The following ARHGEF7 variants were observed in gnomAD, a reference collection of about 807,000 sequenced individuals.
The protein encoded by ARHGEF7 is Rho guanine nucleotide exchange factor 7.
In ARHGEF7, 33 loss-of-function variants were observed where a neutral mutation model predicts 109.8. That is an observed-to-expected ratio of 0.30 (90% CI 0.23 to 0.40). The LOEUF is 0.40. Among genes scored for constraint, ARHGEF7 ranks in the 10% least tolerant of loss-of-function variants. The probability of loss-of-function intolerance (pLI) is 1.00; values close to 1 mark genes in which losing one functional copy is unlikely to be tolerated. For synonymous variants in ARHGEF7, 458 were observed against 424.6 expected (o/e 1.08, Z -0.97); for missense variants, 938 against 1,098.5 (o/e 0.85, Z 2.07).
intron 1 of ARHGEF7, among the ~76,000 whole-genome samples, chr13:111,125,997 G>A (rs201544703): frequency 1.3e-5 from 2 of 152,210 alleles, no homozygotes; most frequent in South Asian, 2.1e-4. Flanking sequence ...ACCTGCCCAT[G>A]TGGAATCAGT....
At position 111,127,263 on chromosome 13, in the gene ARHGEF7, A is replaced by G. The variant is rs554661792; in HGVS notation, c.165+11572A>G. Among the ~76,000 whole-genome samples, 21 of 152,332 alleles carry G rather than the reference A, an allele frequency of 1.4e-4. No individual in the cohort carries two copies. In the East Asian group the frequency reaches 3.9e-3, roughly 28 times the overall value. On this transcript the variant is annotated intron_variant, in intron 1 of 21. Coordinates refer to ENST00000646102, the MANE Select transcript of ARHGEF7 (RefSeq NM_001354046.2). ...TTACAGAAATAAATTTGTAGATAAA[A>G]TTCTTCTCATAAAGAAAATTCCAGG... is the stretch of plus-strand genomic sequence containing the variant.
intron 4 of ARHGEF7, among the ~76,000 whole-genome samples, chr13:111,214,686 C>T (rs899731684): frequency 2.0e-5 from 3 of 152,252 alleles, no homozygotes; most frequent in African/African-American, 7.2e-5. Flanking sequence ...TTGTTGGTCA[C>T]AGGGCCCAGA....
chr13:111,147,820 C>T (rs1364467928), intron 1 of ARHGEF7, among the ~76,000 whole-genome samples: 1 of 150,632 alleles, frequency 6.6e-6, no homozygotes, highest in African/African-American at 2.4e-5. Flanking sequence ...GCCTCAGCCT[C>T]CCAAGTAGCT....
intron 5 of ARHGEF7, among the ~76,000 whole-genome samples, chr13:111,226,237 G>A (rs937205942): frequency 6.6e-6 from 1 of 152,220 alleles, no homozygotes; most frequent in Non-Finnish European, 1.5e-5. Flanking sequence ...GCTAATGGAG[G>A]TTAGTGCATG....
chr13:111,280,835 C>T (rs931703057), intron 15 of ARHGEF7, 158 bp downstream of exon 15: 116 of 808,358 alleles, frequency 1.4e-4, no homozygotes, highest in Non-Finnish European at 3.3e-5. Context: ...TGGCCCTCTT[C>T]GTGCAGTAGT....
At position 111,206,562 on chromosome 13, in the gene ARHGEF7, A is replaced by G. The variant is rs192193753; in HGVS notation, c.337+1189A>G. 1.3e-3 allele frequency among the ~76,000 whole-genome samples: 201 copies of G among 152,338 alleles called. 1 individual carries two copies. Among genetic ancestry groups the G allele is most frequent in the Admixed American group, 3.9e-3 (60 of 15,298 alleles). ...AAGCATCGAGGAAACAAAAATTTAA[A>G]TGGCAGGATTATGAAGATGGATGTA... On this transcript the variant is annotated intron_variant, in intron 3 of 21. Coordinates refer to ENST00000646102, the MANE Select transcript of ARHGEF7 (RefSeq NM_001354046.2).
intron 1 of ARHGEF7, among the ~76,000 whole-genome samples, chr13:111,139,473 T>C (rs1170810968): frequency 6.6e-6 from 1 of 152,248 alleles, no homozygotes; most frequent in Non-Finnish European, 1.5e-5. Context: ...ACAGGAGGCC[T>C]CCAGAGCGTG....
At chr13:111,256,325 C>T (rs1358248803) in intron 8 of ARHGEF7, among the ~76,000 whole-genome samples, 8 of 152,140 alleles carry the variant, frequency 5.3e-5, no homozygotes, top group African/African-American at 1.7e-4. Context: ...ATTGGAACTG[C>T]GGGCGCTTTG....
chr13:111,301,303 G>A (rs1250637261), intron 20 of ARHGEF7, among the ~76,000 whole-genome samples, 175 bp from the exon 21 acceptor site: 1 of 152,174 alleles, frequency 6.6e-6, no homozygotes, highest in Non-Finnish European at 1.5e-5. Flanking sequence ...GACTAGGCTT[G>A]AACCTGCCAT....
intron 18 of ARHGEF7, among the ~76,000 whole-genome samples, chr13:111,291,114 A>C (rs959138089): frequency 3.9e-5 from 6 of 152,220 alleles, no homozygotes; most frequent in Admixed American, 1.3e-4. Context: ...CTGAGAACAG[A>C]GGTCAATTTG....
chr13:111,227,510 T>A (rs532394832), intron 5 of ARHGEF7, among the ~76,000 whole-genome samples: 30 of 152,352 alleles, frequency 2.0e-4, no homozygotes, highest in Admixed American at 1.6e-3. Flanking sequence ...ACTTTTTTTT[T>A]AACTAAGGAA....
chr13:111,241,535 T>G (rs1465284458), intron 6 of ARHGEF7, among the ~76,000 whole-genome samples: 1 of 152,246 alleles, frequency 6.6e-6, no homozygotes, highest in African/African-American at 2.4e-5. Flanking sequence ...TGTTTAAGAC[T>G]ATTTGTTGAA....
Position 111,280,735 on chromosome 13 carries a change from G to A in ARHGEF7, c.1725+58G>A. On this transcript the variant is annotated intron_variant, in intron 15 of 21. Coordinates refer to ENST00000646102, the MANE Select transcript of ARHGEF7 (RefSeq NM_001354046.2). ...TCCAGGCGTGGCATCCCGTGGCTGAGCTGTCAGCAAGTGATCAGTTGCTTT... is the reference window on the plus strand; with the variant it reads ...TCCAGGCGTGGCATCCCGTGGCTGAACTGTCAGCAAGTGATCAGTTGCTTT... The A allele has an allele frequency of 3.5e-6, 5 of 1,426,666 alleles. No homozygotes were observed. In the South Asian group the frequency reaches 8.1e-5, roughly 23 times the overall value. The allele number at this position is 1,426,666 out of a possible 1,614,324, so 88.4% of individuals were successfully genotyped here. A position where few individuals can be genotyped will look rare whatever the true frequency, so the allele number is the denominator to read the frequency against.
At chr13:111,206,982 GA>G (rs1229986042) in intron 3 of ARHGEF7, among the ~76,000 whole-genome samples, 3 of 128,734 alleles carry the variant, frequency 2.3e-5, no homozygotes, top group East Asian at 2.2e-4. Context: ...AAAAGAAAAA[GA>G]AAAAAAAAGA....
intron 17 of ARHGEF7, among the ~76,000 whole-genome samples, chr13:111,287,637 T>C (rs762045935): frequency 1.2e-4 from 19 of 152,208 alleles, no homozygotes; most frequent in Non-Finnish European, 2.5e-4. Flanking sequence ...TTGAGCAGCC[T>C]CCTGGGGCTG....
intron 2 of ARHGEF7, among the ~76,000 whole-genome samples, chr13:111,190,121 G>A (rs2079702713): frequency 1.3e-5 from 2 of 152,192 alleles, no homozygotes; most frequent in Non-Finnish European, 1.5e-5. Flanking sequence ...GGTAGAAGTT[G>A]TTAGTTGAGC....
intron 2 of ARHGEF7, among the ~76,000 whole-genome samples, chr13:111,180,789 C>T (rs555655532): frequency 3.2e-4 from 48 of 152,322 alleles, no homozygotes; most frequent in Non-Finnish European, 5.1e-4. Flanking sequence ...GAAATTTAAT[C>T]TTTATGGGGA....
Position 111,286,332 on chromosome 13 carries a change from C to G in ARHGEF7, c.2044+92C>G, listed in dbSNP as rs2093016626. 1.3e-5 allele frequency: 13 copies of G among 1,032,808 alleles called. No individual in the cohort carries two copies. In the South Asian group the frequency reaches 1.7e-4, roughly 14 times the overall value. The allele number at this position is 1,032,808 out of a possible 1,614,324, so 64.0% of individuals were successfully genotyped here. ...GGATAGAGGGAGGCTTGGTGGCTTT[C>G]TGAAGACTCCAAACAAAAGTAAGGT... On this transcript the variant is annotated intron_variant, in intron 17 of 21. Transcript: ENST00000646102.
In ARHGEF7 at chr13:111,255,495, C is replaced by T. The variant is rs10467238; in HGVS notation, c.950+11201C>T. Among the ~76,000 whole-genome samples the T allele has an allele frequency of 8.9e-3, 1,351 of 152,294 alleles. 16 individuals are homozygous for T. Among genetic ancestry groups the T allele is most frequent in the African/African-American group, 0.03 (1,227 of 41,562 alleles). On this transcript the variant is annotated intron_variant, in intron 8 of 21. Transcript: ENST00000646102. This position sits in a 1 kb window ranked among gnomAD's most constrained non-coding sequence, Gnocchi z 4.1. The stretch of plus-strand genomic sequence containing the variant: ...CGGAGGTAAAGTGGCCTGGTACTTA[C>T]GGAACCATCTGCAAATGCTCGGGGC...
Sources: allele counts gnomAD v4.1 joint callset (sites outside exome capture counted in the v4.1 genomes callset), GRCh38; gene constraint gnomAD v4.1.1; non-coding constraint Gnocchi (gnomAD v3.1); transcripts MANE v1.5; gene names NCBI Gene and HGNC (gene_info 2026-07-23, HGNC 2026-07-21).